The following ZNF423 variants were observed in gnomAD, a reference collection of about 807,000 sequenced individuals.
The protein encoded by ZNF423 is zinc finger protein 423, also known as Ebf-associated zinc finger protein.
In ZNF423, 12 loss-of-function variants were observed where a neutral mutation model predicts 95.8. That is an observed-to-expected ratio of 0.13 (90% CI 0.08 to 0.20). The LOEUF is 0.20. Ranked by LOEUF, ZNF423 falls within the 10% of genes least tolerant of loss-of-function variation. The pLI is 1.00. For synonymous variants in ZNF423, 749 were observed against 711.9 expected (o/e 1.05, Z -0.83); for missense variants, 1,316 against 1,737.1 (o/e 0.76, Z 4.31).
intron 7 of ZNF423, among the ~76,000 whole-genome samples, chr16:49,497,315 G>A (rs972460978): frequency 6.6e-6 from 1 of 152,178 alleles, no homozygotes; most frequent in African/African-American, 2.4e-5. Flanking sequence ...TGGGCACTGG[G>A]CACAGACAGG....
intron 5 of ZNF423, among the ~76,000 whole-genome samples, chr16:49,536,062 T>C (rs945004292): frequency 7.2e-5 from 11 of 152,132 alleles, no homozygotes; most frequent in African/African-American, 2.7e-4. Flanking sequence ...TTTTTTAAAA[T>C]GAGCAACAGC....
intron 1 of ZNF423, among the ~76,000 whole-genome samples, chr16:49,796,085 G>C (rs756738010): frequency 7.9e-5 from 12 of 152,108 alleles, no homozygotes; most frequent in Non-Finnish European, 1.6e-4. Flanking sequence ...ACTCCACGTT[G>C]ACTCTCAGCT....
intron 3 of ZNF423, among the ~76,000 whole-genome samples, chr16:49,701,613 T>C (rs2032186223): frequency 6.6e-6 from 1 of 152,042 alleles, no homozygotes; most frequent in Non-Finnish European, 1.5e-5. Context: ...ACGGCAGAGG[T>C]GTTTTCAATT....
chr16:49,560,264 T>C (rs1049541410), intron 5 of ZNF423, among the ~76,000 whole-genome samples: 2 of 152,182 alleles, frequency 1.3e-5, no homozygotes, highest in Admixed American at 6.5e-5. Flanking sequence ...TTAGGGAAAC[T>C]TGGCCAATCA....
chr16:49,689,480 A>G (rs2031697268), intron 3 of ZNF423, among the ~76,000 whole-genome samples: 1 of 152,114 alleles, frequency 6.6e-6, no homozygotes. Flanking sequence ...AATTTAGGCC[A>G]ATATTTGCAA....
chr16:49,506,601 T>A (rs1427058296), intron 7 of ZNF423, among the ~76,000 whole-genome samples: 1 of 137,260 alleles, frequency 7.3e-6, no homozygotes, highest in South Asian at 2.4e-4. Context: ...GATGGGTAGA[T>A]GAATGAATAG....
intron 1 of ZNF423, among the ~76,000 whole-genome samples, chr16:49,838,017 A>G (rs1884894986): frequency 6.6e-6 from 1 of 152,226 alleles, no homozygotes; most frequent in African/African-American, 2.4e-5. Flanking sequence ...AGGACCCAGC[A>G]CTAGCATTTG....
chr16:49,682,790 G>T (rs1168961463), intron 3 of ZNF423, among the ~76,000 whole-genome samples: 1 of 152,214 alleles, frequency 6.6e-6, no homozygotes, highest in Non-Finnish European at 1.5e-5. Flanking sequence ...AAATGGGAAC[G>T]ATGTCCAAAG....
chr16:49,682,404 G>T (rs1376423488), intron 3 of ZNF423, among the ~76,000 whole-genome samples: 1 of 152,216 alleles, frequency 6.6e-6, no homozygotes, highest in Admixed American at 6.5e-5. Flanking sequence ...GGTGCAGAAG[G>T]CCCGGCCCCA....
intron 3 of ZNF423, among the ~76,000 whole-genome samples, chr16:49,661,753 G>T (rs2030242071): frequency 6.6e-6 from 1 of 152,210 alleles, no homozygotes; most frequent in South Asian, 2.1e-4. Context: ...CTGCACCATG[G>T]AGGCTGCATT....
At position 49,749,728 on chromosome 16, in the gene ZNF423, G is replaced by A. The variant is rs181172114; in HGVS notation, c.101-18757C>T. Among the ~76,000 whole-genome samples the A allele has an allele frequency of 2.0e-5, 3 of 149,284 alleles. No homozygotes were observed. The Admixed American group carries it at 2.0e-4, about 10-fold the overall frequency. Reference sequence around the variant, plus strand: ...TTTGAGAGTCTGCCTTTAAAGTTTCGTCTGGAGGGAAATCACACGGGTCCA... The same window carrying A: ...TTTGAGAGTCTGCCTTTAAAGTTTCATCTGGAGGGAAATCACACGGGTCCA... On this transcript the variant is annotated intron_variant, in intron 2 of 7. Transcript: ENST00000563137.
intron 3 of ZNF423, among the ~76,000 whole-genome samples, chr16:49,669,323 C>G (rs529312140): frequency 2.0e-5 from 3 of 151,058 alleles, no homozygotes; most frequent in South Asian, 4.2e-4. Flanking sequence ...GAGCGAAACT[C>G]CGTCTCAAAA....
intron 1 of ZNF423, among the ~76,000 whole-genome samples, chr16:49,833,038 G>A (rs1366232156): frequency 6.6e-6 from 1 of 152,252 alleles, no homozygotes; most frequent in Non-Finnish European, 1.5e-5. Flanking sequence ...CTAAAAGGTT[G>A]GAAGGGCAAC....
chr16:49,688,740 A>G (rs2031665347), intron 3 of ZNF423, among the ~76,000 whole-genome samples: 1 of 152,242 alleles, frequency 6.6e-6, no homozygotes, highest in Non-Finnish European at 1.5e-5. Context: ...GAGACTCAAT[A>G]AAAAAGGAAA....
intron 7 of ZNF423, among the ~76,000 whole-genome samples, chr16:49,515,361 G>C (rs771596555): frequency 6.6e-5 from 10 of 152,240 alleles, no homozygotes; most frequent in Non-Finnish European, 1.0e-4. Flanking sequence ...GACAACGAAA[G>C]CTTTTTATAG....
rs183172213 is a variant in ZNF423, at chr16:49,505,514, G to A, written c.3850-14210C>T. Reference sequence around the variant, plus strand: ...CATCAACCCCCAAGAATGGCCCCCAGCCCCTCATGGCCCAGCCCCCTTGCT... The same window carrying A: ...CATCAACCCCCAAGAATGGCCCCCAACCCCTCATGGCCCAGCCCCCTTGCT... On this transcript the variant is annotated intron_variant, in intron 7 of 7. Transcript: ENST00000563137. 1.6e-3 allele frequency among the ~76,000 whole-genome samples: 248 copies of A among 151,514 alleles called. 1 individual carries two copies. Among genetic ancestry groups the A allele is most frequent in the Non-Finnish European group, 1.5e-3 (100 of 67,860 alleles).
chr16:49,835,262 C>G (rs2035105181), intron 1 of ZNF423, among the ~76,000 whole-genome samples: 1 of 152,188 alleles, frequency 6.6e-6, no homozygotes, highest in Admixed American at 6.5e-5. Flanking sequence ...GGCCTTGAGC[C>G]CAGCTGTCCA....
chr16:49,489,178 A>T lies in ZNF423; in HGVS notation c.*2097T>A, dbSNP rs1163367742. 3 of 152,322 alleles carry T rather than the reference A, an allele frequency of 2.0e-5. No individual in the cohort carries two copies. Among genetic ancestry groups the T allele is most frequent in the Admixed American group, 2.0e-4 (3 of 15,288 alleles). 9.4% of individuals were successfully genotyped at this position (152,322 alleles called of 1,614,324 possible). ...GTTACTGAGGGCTCACCTGGGCTCCATGGGGTTTGGGATAAATCCAGAGCT... is the reference window on the plus strand; with the variant it reads ...GTTACTGAGGGCTCACCTGGGCTCCTTGGGGTTTGGGATAAATCCAGAGCT... On this transcript the variant is annotated 3_prime_UTR_variant, in exon 8 of 8. Coordinates refer to ENST00000563137, the MANE Select transcript of ZNF423 (RefSeq NM_001379286.1).
chr16:49,731,605 G>C lies in ZNF423; in HGVS notation c.101-634C>G, dbSNP rs1014513774. On this transcript the variant is annotated intron_variant, in intron 2 of 7. Coordinates refer to ENST00000563137, the MANE Select transcript of ZNF423 (RefSeq NM_001379286.1). ...AGGTGGGAAAATTGCTGAAGGCCTG[G>C]AGTTTGAGACCGGCCTGGGCAATAT... 2.0e-5 allele frequency among the ~76,000 whole-genome samples: 3 copies of C among 151,918 alleles called. No individual in the cohort carries two copies. In the South Asian group the frequency reaches 6.2e-4, roughly 32 times the overall value.
Sources: allele counts gnomAD v4.1 joint callset (sites outside exome capture counted in the v4.1 genomes callset), GRCh38; gene constraint gnomAD v4.1.1; transcripts MANE v1.5; gene names NCBI Gene and HGNC (gene_info 2026-07-23, HGNC 2026-07-21).